RIOK3: variants seen among roughly 807,000 people sequenced by gnomAD.
RIOK3 encodes the protein serine/threonine-protein kinase RIO3.
RIOK3 carries 40 observed loss-of-function variants against 63.5 expected under a neutral mutation model. The ratio of observed to expected loss-of-function variants is 0.63; its 90% CI spans 0.49 to 0.82. The LOEUF is 0.82. Among genes scored for constraint, RIOK3 ranks in the 40% least tolerant of loss-of-function variants. RIOK3 has a pLI of 0.00. For synonymous variants in RIOK3, 193 were observed against 205.0 expected (o/e 0.94, Z 0.50); for missense variants, 557 against 637.0 (o/e 0.87, Z 1.35).
intron 7 of RIOK3, among the ~76,000 whole-genome samples, chr18:23,470,614 C>A (rs2057450329): frequency 6.6e-6 from 1 of 152,058 alleles, no homozygotes; most frequent in African/African-American, 2.4e-5. Flanking sequence ...ATGTTTAATT[C>A]TTTAAGAAAA....
chr18:23,472,370 A>T (rs1488602973), intron 7 of RIOK3, among the ~76,000 whole-genome samples: 1 of 152,242 alleles, frequency 6.6e-6, no homozygotes, highest in Admixed American at 6.5e-5. Context: ...ACTAAATGGA[A>T]GAGGAGTCAG....
chr18:23,464,480 G>A, intron 4 of RIOK3, 39 bp from the exon 5 acceptor site: 1 of 1,387,842 alleles, frequency 7.2e-7, no homozygotes. Flanking sequence ...TGTAGTCTTT[G>A]CTATTTTTAT....
intron 1 of RIOK3, among the ~76,000 whole-genome samples, chr18:23,458,760 T>C (rs566916477): frequency 6.6e-6 from 1 of 152,342 alleles, no homozygotes; most frequent in East Asian, 1.9e-4. Context: ...GTAAATTTTC[T>C]GAGCACTTGG....
chr18:23,473,182 A>G (rs187672610), intron 7 of RIOK3, among the ~76,000 whole-genome samples: 1 of 152,350 alleles, frequency 6.6e-6, no homozygotes, highest in African/African-American at 2.4e-5. Context: ...CGTAGTCATT[A>G]AGTGAAGAAC....
chr18:23,460,185 A>G (rs1289731350), intron 1 of RIOK3, among the ~76,000 whole-genome samples: 1 of 152,198 alleles, frequency 6.6e-6, no homozygotes, highest in East Asian at 1.9e-4. Flanking sequence ...ATAGGGCTCA[A>G]ATGATCCACC....
At chr18:23,474,267 C>T (rs1038360228) in intron 8 of RIOK3, among the ~76,000 whole-genome samples, 3 of 151,978 alleles carry the variant, frequency 2.0e-5, no homozygotes, top group South Asian at 2.1e-4. Flanking sequence ...ATGGTGTGCA[C>T]GTGTACTCCC....
chr18:23,459,814 G>A (rs538015068), intron 1 of RIOK3, among the ~76,000 whole-genome samples: 1 of 152,202 alleles, frequency 6.6e-6, no homozygotes, highest in East Asian at 1.9e-4. Context: ...GGAACTATGG[G>A]CACCTGCCAC....
chr18:23,456,829 G>A (rs1167345734), intron 1 of RIOK3, among the ~76,000 whole-genome samples: 2 of 152,192 alleles, frequency 1.3e-5, no homozygotes, highest in Non-Finnish European at 1.5e-5. Flanking sequence ...TAAGGTTGAA[G>A]TATTTGAAGA....
intron 2 of RIOK3, 59 bp from the exon 3 acceptor site, chr18:23,463,908 T>G (rs2057388038): frequency 6.9e-7 from 1 of 1,443,360 alleles, no homozygotes; most frequent in Non-Finnish European, 9.4e-7. Context: ...CTCTCATAAT[T>G]GGCAACCTCT....
chr18:23,453,958 C>T (rs1341068707), intron 1 of RIOK3, among the ~76,000 whole-genome samples: 2 of 152,180 alleles, frequency 1.3e-5, no homozygotes, highest in Non-Finnish European at 2.9e-5. Context: ...GTTTTTGAAG[C>T]AGTAAAAGAT....
At position 23,464,110 on chromosome 18, in the gene RIOK3, A is replaced by C; in HGVS notation, c.323A>C (p.Lys108Thr). The C allele has an allele frequency of 2.5e-6, 4 of 1,610,466 alleles. No homozygotes were observed. Among genetic ancestry groups the C allele is most frequent in the Non-Finnish European group, 3.4e-6 (4 of 1,178,462 alleles). Residue 108 changes from lysine (K) to threonine (T), a missense_variant and splice_region_variant, in exon 3 of 13, where the codon AAA becomes ACA. This residue lies in a region of RIOK3 where 243 missense variants were observed against 275.4 expected (regional missense o/e 0.88). Coordinates refer to ENST00000339486, the MANE Select transcript of RIOK3 (RefSeq NM_003831.5). Reference protein sequence around the residue: ...REEKKFNGDSKVSISFENYRK... With the variant: ...REEKKFNGDSTVSISFENYRK... Reference sequence around the variant, plus strand: ...GAAAAAAAATTCAATGGAGATAGCAAAGGTATTATAACCTTATTGTGACAA... The same window carrying C: ...GAAAAAAAATTCAATGGAGATAGCACAGGTATTATAACCTTATTGTGACAA...
chr18:23,459,477 C>T (rs1481393525), intron 1 of RIOK3, among the ~76,000 whole-genome samples: 1 of 152,114 alleles, frequency 6.6e-6, no homozygotes, highest in Non-Finnish European at 1.5e-5. Context: ...AATGCATGAA[C>T]CCTAATACAG....
At chr18:23,460,685 G>A (rs2057367983) in intron 1 of RIOK3, among the ~76,000 whole-genome samples, 1 of 152,156 alleles carries the variant, frequency 6.6e-6, no homozygotes, top group South Asian at 2.1e-4. Flanking sequence ...TTTGGAACCT[G>A]GACTTTGAAA....
intron 12 of RIOK3, among the ~76,000 whole-genome samples, chr18:23,480,288 G>A (rs1020712836): frequency 3.9e-5 from 6 of 152,158 alleles, no homozygotes; most frequent in Admixed American, 2.6e-4. Context: ...TGGGTAAGCT[G>A]GGCCTAGCCT....
chr18:23,456,955 C>G (rs894809518), intron 1 of RIOK3, among the ~76,000 whole-genome samples: 1 of 152,104 alleles, frequency 6.6e-6, no homozygotes, highest in African/African-American at 2.4e-5. Context: ...GCATTTATAT[C>G]TTAAATCTAC....
chr18:23,481,334 G>A lies in RIOK3; in HGVS notation c.*55G>A, dbSNP rs998164726. 8.9e-7 allele frequency: 1 copy of A among 1,117,704 alleles called. No homozygotes were observed. Among genetic ancestry groups the A allele is most frequent in the Middle Eastern group, 2.0e-4 (1 of 4,960 alleles). The allele number at this position is 1,117,704 out of a possible 1,614,324, so 69.2% of individuals were successfully genotyped here. On this transcript the variant is annotated 3_prime_UTR_variant, in exon 13 of 13. Transcript: ENST00000339486. ...CAGCAGTGATTGTCAGCTGCCAATA[G>A]CAAATGAAGTTATGGGTGACTTGAA...
intron 7 of RIOK3, among the ~76,000 whole-genome samples, chr18:23,468,980 A>G (rs1464008262): frequency 6.6e-6 from 1 of 152,074 alleles, no homozygotes; most frequent in South Asian, 2.1e-4. Context: ...CTGAGGTCCC[A>G]CTTTCTTGTT....
At chr18:23,476,239 C>T (rs1386105018) in intron 9 of RIOK3, among the ~76,000 whole-genome samples, 1 of 152,142 alleles carries the variant, frequency 6.6e-6, no homozygotes, top group Admixed American at 6.6e-5. Context: ...TTTGAAATAG[C>T]AACTGAATTC....
rs753005013 is a variant in RIOK3 at position 23,464,025 on chromosome 18, C to G, written c.238C>G (p.Leu80Val). 6.2e-7 allele frequency: 1 copy of G among 1,613,186 alleles called. No homozygotes were observed. The highest frequency in any genetic ancestry group is 8.5e-7 in the Non-Finnish European group (1 of 1,179,470). The part of the protein sequence containing the change: ...ENIDTSSDLM[L>V]AQMLQMEYDR... Reference sequence around the variant, plus strand: ...CATTGATACTTCCAGTGACCTTATGCTGGCTCAGATGCTACAGATGGAATA... The same window carrying G: ...CATTGATACTTCCAGTGACCTTATGGTGGCTCAGATGCTACAGATGGAATA... Residue 80 changes from leucine to valine, a missense_variant, in exon 3 of 13, where the codon CTG becomes GTG. Leu to Val is a conservative substitution (Grantham distance 32). Around this residue, in one of 3 missense-constraint regions of RIOK3, gnomAD observed 243 missense variants for 275.4 expected, o/e 0.88. Transcript: ENST00000339486.
Sources: allele counts gnomAD v4.1 joint callset (sites outside exome capture counted in the v4.1 genomes callset), GRCh38; gene constraint gnomAD v4.1.1; regional missense constraint gnomAD v4.1.1; transcripts MANE v1.5; gene names NCBI Gene and HGNC (gene_info 2026-07-23, HGNC 2026-07-21).